The following LRP1B variants were observed in gnomAD, a reference collection of about 807,000 sequenced individuals.
The protein encoded by LRP1B is low-density lipoprotein receptor-related protein 1B.
In LRP1B, 217 loss-of-function variants were observed where a neutral mutation model predicts 556.6. The observed-to-expected ratio is 0.39, with a 90% CI of 0.35 to 0.44. The LOEUF is 0.44. LRP1B is among the 20% of genes least tolerant of loss of function. The probability of loss-of-function intolerance (pLI) is 1.00; values close to 1 mark genes in which losing one functional copy is unlikely to be tolerated. For synonymous variants in LRP1B, 2,047 were observed against 1,865.8 expected (o/e 1.10, Z -2.50); for missense variants, 5,053 against 5,620.8 (o/e 0.90, Z 3.23).
chr2:141,006,836 A>C (rs1697589733), intron 14 of LRP1B, among the ~76,000 whole-genome samples: 1 of 151,984 alleles, frequency 6.6e-6, no homozygotes, highest in Non-Finnish European at 1.5e-5. Context: ...TTCTGTATCT[A>C]AACATATAAA....
intron 7 of LRP1B, among the ~76,000 whole-genome samples, chr2:141,070,119 C>G (rs972364700): frequency 2.3e-4 from 35 of 151,760 alleles, no homozygotes; most frequent in African/African-American, 8.5e-4. Flanking sequence ...CATGTCCCCA[C>G]AAAGGACATG....
chr2:141,967,622 A>T (rs1163777300), intron 1 of LRP1B, among the ~76,000 whole-genome samples: 2 of 151,838 alleles, frequency 1.3e-5, no homozygotes, highest in Non-Finnish European at 2.9e-5. Flanking sequence ...GCACTATTTA[A>T]ACTATTGGTA....
chr2:141,749,413 G>T (rs1461563017), intron 2 of LRP1B, among the ~76,000 whole-genome samples: 1 of 152,092 alleles, frequency 6.6e-6, no homozygotes, highest in Admixed American at 6.6e-5. Flanking sequence ...AGTGCTGTCT[G>T]ATTTGCCTGA....
At chr2:140,969,929 G>A (rs1023233325) in intron 18 of LRP1B, among the ~76,000 whole-genome samples, 14 of 152,150 alleles carry the variant, frequency 9.2e-5, no homozygotes, top group African/African-American at 3.1e-4. Context: ...GGTAAAACCC[G>A]ACCTTTCTCT....
In LRP1B at chr2:140,534,014, TATTTAC is replaced by T. The variant is rs1337291879; in HGVS notation, c.7762+1_7762+6del. On this transcript the variant is annotated splice_donor_variant and splice_donor_5th_base_variant and intron_variant, in intron 47 of 90. Coordinates refer to ENST00000389484, the MANE Select transcript of LRP1B (RefSeq NM_018557.3). LOFTEE classifies it high-confidence loss of function. ...AATATTCTGAGATTGATGGAACAAG[TATTTAC>T]CTTTACAATCTAATTCATCAGAGTT... 6.2e-7 allele frequency: 1 copy of T among 1,613,068 alleles called. No homozygotes were observed. Among genetic ancestry groups the T allele is most frequent in the Admixed American group, 1.7e-5 (1 of 59,928 alleles).
intron 1 of LRP1B, among the ~76,000 whole-genome samples, chr2:142,052,187 A>C (rs985450327): frequency 4.6e-5 from 7 of 152,024 alleles, no homozygotes; most frequent in African/African-American, 1.2e-4. Flanking sequence ...TAAAAAAAAA[A>C]CTCAAAAACG....
chr2:141,906,926 C>T (rs1699774765), intron 1 of LRP1B, among the ~76,000 whole-genome samples: 1 of 151,968 alleles, frequency 6.6e-6, no homozygotes, highest in African/African-American at 2.4e-5. Context: ...AAAAATCGTC[C>T]CATGTTTCCC....
intron 7 of LRP1B, among the ~76,000 whole-genome samples, chr2:141,136,531 ATATC>A (rs1319336489): frequency 6.6e-6 from 1 of 151,410 alleles, no homozygotes; most frequent in Non-Finnish European, 1.5e-5. Context: ...TCCTGCTTTA[ATATC>A]TATCTAGTAT....
rs518818 is a variant in LRP1B, at chr2:140,636,445, A to G, written c.6800-34806T>C. ...GAAACAAAAGTATGATTACCATCACATTGTTCCTTTTTAGATAGAAAATGT... is the reference window on the plus strand; with the variant it reads ...GAAACAAAAGTATGATTACCATCACGTTGTTCCTTTTTAGATAGAAAATGT... On this transcript the variant is annotated intron_variant, in intron 41 of 90. Transcript: ENST00000389484. Among the ~76,000 whole-genome samples the G allele has an allele frequency of 8.5e-3, 1,296 of 152,248 alleles. 20 individuals carry two copies. The highest frequency in any genetic ancestry group is 0.03 in the African/African-American group (1,240 of 41,564).
chr2:140,532,404 TG>T (rs1553481960), intron 47 of LRP1B, among the ~76,000 whole-genome samples: 1 of 149,684 alleles, frequency 6.7e-6, no homozygotes, highest in East Asian at 2.0e-4. Flanking sequence ...TTGGTTTTTT[TG>T]GGGGGTGGGG....
At position 140,760,612 on chromosome 2, in the gene LRP1B, G is replaced by A. The variant is rs140056471; in HGVS notation, c.5758+8601C>T. On this transcript the variant is annotated intron_variant, in intron 35 of 90. Transcript: ENST00000389484. ...TGTGAAACACCCATCCTGGCTGGGC[G>A]CAGTGGCTCACGCCTGTAATTCCAA... is the stretch of plus-strand genomic sequence containing the variant. 8.3e-4 allele frequency among the ~76,000 whole-genome samples: 126 copies of A among 152,112 alleles called. 1 individual carries two copies. Among genetic ancestry groups the A allele is most frequent in the African/African-American group, 2.9e-3 (121 of 41,556 alleles).
At chr2:140,483,657 T>TTC (rs1688348256) in intron 59 of LRP1B, among the ~76,000 whole-genome samples, 1 of 115,546 alleles carries the variant, frequency 8.7e-6, no homozygotes, top group African/African-American at 3.0e-5. Flanking sequence ...TTTTTTTTTT[T>TTC]TGAGACACTG....
At chr2:141,727,485 C>A (rs1183764266) in intron 2 of LRP1B, among the ~76,000 whole-genome samples, 2 of 152,088 alleles carry the variant, frequency 1.3e-5, no homozygotes, top group Non-Finnish European at 2.9e-5. Context: ...AATTTAGAAG[C>A]CAAATTGATT....
chr2:141,882,435 C>T (rs182992068), intron 1 of LRP1B, among the ~76,000 whole-genome samples: 8 of 152,274 alleles, frequency 5.3e-5, no homozygotes, highest in Admixed American at 5.2e-4. Context: ...ATGAAGCCTG[C>T]TCTGCTTATA....
intron 3 of LRP1B, among the ~76,000 whole-genome samples, chr2:141,319,818 G>A (rs1035817870): frequency 6.6e-6 from 1 of 151,932 alleles, no homozygotes; most frequent in African/African-American, 2.4e-5. Context: ...TGTCTTGCTG[G>A]GTTACAAGAA....
At chr2:141,265,431 A>G (rs1013858455) in intron 3 of LRP1B, among the ~76,000 whole-genome samples, 3 of 152,144 alleles carry the variant, frequency 2.0e-5, no homozygotes, top group African/African-American at 4.8e-5. Flanking sequence ...GGAGGCCCTC[A>G]TGCTGTCCCT....
intron 3 of LRP1B, among the ~76,000 whole-genome samples, chr2:141,357,464 A>G (rs573139052): frequency 1.3e-5 from 2 of 152,340 alleles, no homozygotes; most frequent in South Asian, 4.1e-4. Flanking sequence ...AGTCAAACCT[A>G]AAATGCAAAC....
chr2:140,355,310 G>T (rs1682158752), intron 75 of LRP1B, among the ~76,000 whole-genome samples: 1 of 151,774 alleles, frequency 6.6e-6, no homozygotes, highest in South Asian at 2.1e-4. Flanking sequence ...GATAGAAAGA[G>T]CCTGGGAAAA....
intron 1 of LRP1B, among the ~76,000 whole-genome samples, chr2:141,856,010 C>T (rs933544046): frequency 3.3e-5 from 5 of 152,150 alleles, no homozygotes; most frequent in Non-Finnish European, 7.4e-5. Context: ...GTTGTCTTAA[C>T]TGAGTGTGCT....
Sources: gnomAD v4.1 joint callset for allele counts (sites outside exome capture counted in the v4.1 genomes callset) on GRCh38, gnomAD v4.1.1 for gene constraint, MANE v1.5 for transcripts, NCBI Gene and HGNC (gene_info 2026-07-23, HGNC 2026-07-21) for gene names.